The following SYT13 variants were observed in gnomAD, a reference collection of about 807,000 sequenced individuals.
SYT13 encodes synaptotagmin-13.
SYT13 carries 21 observed loss-of-function variants against 38.6 expected under a neutral mutation model. The observed-to-expected ratio is 0.54, with a 90% CI of 0.39 to 0.78. The LOEUF is 0.78. SYT13 is among the 30% of genes least tolerant of loss of function. The pLI is 0.00. For missense variants in SYT13, 495 were observed against 548.7 expected, an observed-to-expected ratio of 0.90 and a Z score of 0.98; for synonymous variants, 241 against 237.6, an observed-to-expected ratio of 1.01 and a Z score of -0.13.
chr11:45,245,938 G>C (rs1372947190), intron 5 of SYT13, among the ~76,000 whole-genome samples: 1 of 152,182 alleles, frequency 6.6e-6, no homozygotes, highest in African/African-American at 2.4e-5. Flanking sequence ...CAGACAGGAG[G>C]GGAATAACCT....
At chr11:45,261,847 C>T (rs1433446858) in intron 1 of SYT13, among the ~76,000 whole-genome samples, 14 of 149,596 alleles carry the variant, frequency 9.4e-5, no homozygotes, top group East Asian at 2.0e-4. Context: ...ACCCGGGAGG[C>T]GAAGGTTGCA....
At chr11:45,246,294 T>C in intron 5 of SYT13, 89 bp downstream of exon 5, 2 of 1,555,218 alleles carry the variant, frequency 1.3e-6, no homozygotes, top group South Asian at 2.5e-5. Flanking sequence ...CCTGCTTACC[T>C]GTGACCATTT....
At chr11:45,274,724 A>C (rs1854989329) in intron 1 of SYT13, among the ~76,000 whole-genome samples, 3 of 152,186 alleles carry the variant, frequency 2.0e-5, no homozygotes, top group Admixed American at 2.0e-4. Flanking sequence ...ATCTTCAAAC[A>C]CCATCTTTTC....
At chr11:45,272,677 T>G in intron 1 of SYT13, among the ~76,000 whole-genome samples, 1 of 152,280 alleles carries the variant, frequency 6.6e-6, no homozygotes, top group Admixed American at 6.5e-5. Context: ...TCATGGAAGG[T>G]CAGTGATATC....
Position 45,240,391 on chromosome 11 carries a change from T to C in SYT13, c.*3661A>G, listed in dbSNP as rs1373176145. The C allele has an allele frequency of 1.3e-5, 2 of 152,666 alleles. No homozygotes were observed. Among genetic ancestry groups the C allele is most frequent in the African/African-American group, 4.8e-5 (2 of 41,448 alleles). The allele number at this position is 152,666 out of a possible 1,614,324, so 9.5% of individuals were successfully genotyped here. A position where few individuals can be genotyped will look rare whatever the true frequency, so the allele number is the denominator to read the frequency against. ...TGACTACAATGTCTCATGCATCTTT[T>C]TGTGCTTTAGTTCATGACTGCAAAA... On this transcript the variant is annotated 3_prime_UTR_variant, in exon 6 of 6. Transcript: ENST00000020926.
chr11:45,258,197 C>T (rs1213047579), intron 1 of SYT13, among the ~76,000 whole-genome samples: 1 of 152,202 alleles, frequency 6.6e-6, no homozygotes, highest in African/African-American at 2.4e-5. Context: ...CGACATTTTT[C>T]CTGCCTCCAA....
At chr11:45,280,451 A>C (rs1855058764) in intron 1 of SYT13, among the ~76,000 whole-genome samples, 1 of 152,248 alleles carries the variant, frequency 6.6e-6, no homozygotes, top group Non-Finnish European at 1.5e-5. Flanking sequence ...CTGGTACTCA[A>C]TTAATGTTCA....
intron 1 of SYT13, among the ~76,000 whole-genome samples, chr11:45,274,485 C>T (rs138500357): frequency 1.8e-4 from 27 of 152,348 alleles, no homozygotes; most frequent in African/African-American, 6.5e-4. Flanking sequence ...TCACTGCCTT[C>T]ACTGTATTCC....
intron 5 of SYT13, 117 bp from the exon 6 acceptor site, chr11:45,244,473 C>T (rs561645221): frequency 2.2e-5 from 28 of 1,262,628 alleles, no homozygotes; most frequent in African/African-American, 7.5e-5. Flanking sequence ...CTCAAGAGTT[C>T]GGACATCTGT....
intron 1 of SYT13, among the ~76,000 whole-genome samples, chr11:45,266,080 C>A (rs550320970): frequency 6.6e-6 from 1 of 152,272 alleles, no homozygotes; most frequent in East Asian, 1.9e-4. Flanking sequence ...GAGATAGATA[C>A]TTGTACACAC....
intron 5 of SYT13, among the ~76,000 whole-genome samples, chr11:45,246,155 A>G (rs560507269): frequency 1.3e-5 from 2 of 152,166 alleles, no homozygotes; most frequent in Non-Finnish European, 1.5e-5. Context: ...GTCCTAATGG[A>G]TGGGATTGAT....
chr11:45,272,689 G>C (rs1338254807), intron 1 of SYT13, among the ~76,000 whole-genome samples: 1 of 152,202 alleles, frequency 6.6e-6, no homozygotes, highest in Non-Finnish European at 1.5e-5. Flanking sequence ...AGTGATATCA[G>C]AGTACCTGGC....
chr11:45,283,207 C>T (rs578101395), intron 1 of SYT13, among the ~76,000 whole-genome samples: 1 of 152,308 alleles, frequency 6.6e-6, no homozygotes, highest in South Asian at 2.1e-4. Flanking sequence ...CTACAAACTT[C>T]AACTTCATCC....
intron 5 of SYT13, 75 bp downstream of exon 5, chr11:45,246,308 C>G: frequency 3.8e-6 from 6 of 1,573,296 alleles, no homozygotes; most frequent in South Asian, 1.2e-5. Flanking sequence ...ACCATTTCCT[C>G]CCAGGCACCA....
At position 45,252,056 on chromosome 11, in the gene SYT13, A is replaced by C. The variant is rs1043598838; in HGVS notation, c.846+365T>G. Among the ~76,000 whole-genome samples the C allele has an allele frequency of 3.9e-5, 6 of 152,240 alleles. No individual in the cohort carries two copies. Among genetic ancestry groups the C allele is most frequent in the African/African-American group, 7.2e-5 (3 of 41,458 alleles). ...CTCACCTACACAAACGGAGGAAGGT[A>C]GAGTGTCCTGCAGTGTCTGCCACAT... On this transcript the variant is annotated intron_variant, in intron 4 of 5. Coordinates refer to ENST00000020926, the MANE Select transcript of SYT13 (RefSeq NM_020826.3). The surrounding 1 kb of genome is among the most constrained non-coding windows in gnomAD (Gnocchi z 4.3).
chr11:45,256,847 T>C (rs1443888263), intron 1 of SYT13, among the ~76,000 whole-genome samples: 1 of 152,146 alleles, frequency 6.6e-6, no homozygotes, highest in Non-Finnish European at 1.5e-5. Context: ...ACACAGCAAC[T>C]AGTCACCCTA....
At chr11:45,254,472 T>C (rs2135891814) in intron 2 of SYT13, 68 bp from the exon 3 acceptor site, 1 of 1,557,250 alleles carries the variant, frequency 6.4e-7, no homozygotes. Context: ...TACACCTTTC[T>C]CATCTCTATC....
rs77687406 is a variant in SYT13 at position 45,284,601 on chromosome 11, C to T, written c.183+1424G>A. ...CAATAAGACAAAGAGTTGGAAGAGA[C>T]CCTAGAGGTCATTTACACCAACTAG... On this transcript the variant is annotated intron_variant, in intron 1 of 5. Transcript: ENST00000020926. 5.0e-3 allele frequency among the ~76,000 whole-genome samples: 759 copies of T among 152,144 alleles called. 9 individuals are homozygous for T. The highest frequency in any genetic ancestry group is 0.017 in the African/African-American group (711 of 41,486).
rs762844394 is a variant in SYT13, at chr11:45,244,015, C to T, written c.*37G>A. 7 of 1,562,412 alleles carry T rather than the reference C, an allele frequency of 4.5e-6. No homozygotes were observed. Among genetic ancestry groups the T allele is most frequent in the Non-Finnish European group, 6.0e-6 (7 of 1,158,278 alleles). ...AGAAAGGAGGTTGCAGAGGACGGGT[C>T]AGGGCTGTCCAAGAAGGGAGGCAGC... On this transcript the variant is annotated 3_prime_UTR_variant, in exon 6 of 6. Coordinates refer to ENST00000020926, the MANE Select transcript of SYT13 (RefSeq NM_020826.3).
Sources: allele counts gnomAD v4.1 joint callset (sites outside exome capture counted in the v4.1 genomes callset), GRCh38; gene constraint gnomAD v4.1.1; non-coding constraint Gnocchi (gnomAD v3.1); transcripts MANE v1.5; gene names NCBI Gene and HGNC (gene_info 2026-07-23, HGNC 2026-07-21).